Variants in IMMP2L observed in about 807,000 individuals in gnomAD.
IMMP2L encodes the protein mitochondrial inner membrane protease subunit 2.
IMMP2L carries 18 observed loss-of-function variants against 19.3 expected under a neutral mutation model. That is an observed-to-expected ratio of 0.93 (90% CI 0.64 to 1.38). IMMP2L has a LOEUF of 1.38. Among genes scored for constraint, IMMP2L ranks in the 40% most tolerant of loss-of-function variants. The pLI is 0.00. For synonymous variants in IMMP2L, 76 were observed against 73.0 expected (o/e 1.04, Z -0.21); for missense variants, 233 against 218.2 (o/e 1.07, Z -0.43).
At chr7:110,912,587 GTT>G (rs76245503) in intron 4 of IMMP2L, among the ~76,000 whole-genome samples, 1 of 145,476 alleles carries the variant, frequency 6.9e-6, no homozygotes, top group Admixed American at 6.9e-5. Context: ...CACATTTAAA[GTT>G]TTTTTTTTTT....
intron 3 of IMMP2L, among the ~76,000 whole-genome samples, chr7:111,083,130 T>C (rs1055603711): frequency 6.6e-6 from 1 of 152,212 alleles, no homozygotes; most frequent in Non-Finnish European, 1.5e-5. Flanking sequence ...GTTTTATGTA[T>C]GTGTATCGAT....
intron 3 of IMMP2L, among the ~76,000 whole-genome samples, chr7:111,242,233 T>TTCAGTCATAA (rs1223738031): frequency 6.6e-6 from 1 of 152,034 alleles, no homozygotes; most frequent in Non-Finnish European, 1.5e-5. Flanking sequence ...GATCAGTCAG[T>TTCAGTCATAA]TCAGTCATAA....
chr7:111,547,515 C>T (rs531284772), intron 1 of IMMP2L, among the ~76,000 whole-genome samples: 17 of 147,976 alleles, frequency 1.1e-4, no homozygotes, highest in Admixed American at 5.3e-4. Flanking sequence ...ACCCCCCCCC[C>T]CTTTTTATCC....
At chr7:110,744,730 A>T (rs982398864) in intron 5 of IMMP2L, among the ~76,000 whole-genome samples, 6 of 152,252 alleles carry the variant, frequency 3.9e-5, no homozygotes, top group Non-Finnish European at 7.3e-5. Flanking sequence ...GTCCACTCAG[A>T]GACCCCATCT....
chr7:111,371,396 C>A (rs973457382), intron 3 of IMMP2L, among the ~76,000 whole-genome samples: 4 of 152,032 alleles, frequency 2.6e-5, no homozygotes, highest in Non-Finnish European at 5.9e-5. Flanking sequence ...TGGTGACTTT[C>A]CAGTATGGAC....
chr7:111,104,165 A>T (rs1368231840), intron 3 of IMMP2L, among the ~76,000 whole-genome samples: 2 of 151,684 alleles, frequency 1.3e-5, no homozygotes, highest in African/African-American at 4.8e-5. Flanking sequence ...TCCTTCATTC[A>T]TGCATGCACA....
At chr7:111,278,418 C>A (rs1003712791) in intron 3 of IMMP2L, among the ~76,000 whole-genome samples, 1 of 152,134 alleles carries the variant, frequency 6.6e-6, no homozygotes, top group Non-Finnish European at 1.5e-5. Context: ...CCACTCCCAA[C>A]AATTGTTTTT....
At chr7:111,550,871 G>C (rs961021310) in intron 1 of IMMP2L, among the ~76,000 whole-genome samples, 2 of 152,112 alleles carry the variant, frequency 1.3e-5, no homozygotes, top group Admixed American at 1.3e-4. Flanking sequence ...GTACAAATGA[G>C]ATGGAGAAGA....
intron 3 of IMMP2L, among the ~76,000 whole-genome samples, chr7:111,006,531 A>G (rs944660937): frequency 6.6e-6 from 1 of 152,158 alleles, no homozygotes; most frequent in Non-Finnish European, 1.5e-5. Flanking sequence ...TTAAGCTCAA[A>G]TCTTTTGATA....
At chr7:111,274,014 TG>T (rs1459620146) in intron 3 of IMMP2L, among the ~76,000 whole-genome samples, 12 of 152,290 alleles carry the variant, frequency 7.9e-5, no homozygotes, top group Non-Finnish European at 7.3e-5. Context: ...AAGTCTTTCA[TG>T]GGAAGAAAAT....
rs141260557 is a variant in IMMP2L, at chr7:111,217,740, T to C, written c.240-254175A>G. Among the ~76,000 whole-genome samples the C allele has an allele frequency of 3.8e-3, 575 of 152,154 alleles. 3 individuals are homozygous for C. Among genetic ancestry groups the C allele is most frequent in the African/African-American group, 0.013 (525 of 41,534 alleles). On this transcript the variant is annotated intron_variant, in intron 3 of 5. Transcript: ENST00000405709. ...TTCAGGTAATCCTTTACCTCAAAAT[T>C]ATGATACTAAACAATAATCAATATG...
At chr7:111,009,480 T>C (rs1386830289) in intron 3 of IMMP2L, among the ~76,000 whole-genome samples, 1 of 151,982 alleles carries the variant, frequency 6.6e-6, no homozygotes, top group African/African-American at 2.4e-5. Context: ...TAGCCCCTCA[T>C]ACATAACAGG....
chr7:111,185,245 A>G (rs928077996), intron 3 of IMMP2L, among the ~76,000 whole-genome samples: 7 of 152,174 alleles, frequency 4.6e-5, no homozygotes, highest in Non-Finnish European at 8.8e-5. Flanking sequence ...ATAAACAATC[A>G]AATCTACTCT....
chr7:111,296,870 A>T (rs888946495), intron 3 of IMMP2L, among the ~76,000 whole-genome samples: 1 of 152,072 alleles, frequency 6.6e-6, no homozygotes, highest in Non-Finnish European at 1.5e-5. Context: ...AGAACTCTCA[A>T]TACATGTAAC....
rs1804706243 is a variant in IMMP2L at position 111,156,951 on chromosome 7, G to A, written c.240-193386C>T. On this transcript the variant is annotated intron_variant, in intron 3 of 5. Transcript: ENST00000405709. Reference sequence around the variant, plus strand: ...GATGAGAAGACGTGATTTTCAAGAAGTCTGTCAAGTTCACTTAAAAGGTGT... The same window carrying A: ...GATGAGAAGACGTGATTTTCAAGAAATCTGTCAAGTTCACTTAAAAGGTGT... 1.3e-5 allele frequency among the ~76,000 whole-genome samples: 2 copies of A among 151,884 alleles called. 1 individual carries two copies. The highest frequency in any genetic ancestry group is 1.3e-4 in the Admixed American group (2 of 15,224).
chr7:111,371,909 T>A (rs1015116155), intron 3 of IMMP2L, among the ~76,000 whole-genome samples: 1 of 152,206 alleles, frequency 6.6e-6, no homozygotes, highest in African/African-American at 2.4e-5. Context: ...AAACACGCAC[T>A]TCAAAGTAGT....
rs533459067 is a variant in IMMP2L at position 111,089,408 on chromosome 7, TTC to T, written c.240-125845_240-125844del. Among the ~76,000 whole-genome samples the T allele has an allele frequency of 1.7e-3, 257 of 152,196 alleles. 3 individuals carry two copies. The highest frequency in any genetic ancestry group is 5.9e-3 in the African/African-American group (245 of 41,548). The stretch of plus-strand genomic sequence containing the variant: ...TAAGATACCATGGCATAAATAAAAA[TTC>T]TCTTTTTACAAATAATTATCACAAT... On this transcript the variant is annotated intron_variant, in intron 3 of 5. Transcript: ENST00000405709.
At chr7:111,045,233 T>C (rs1490139437) in intron 3 of IMMP2L, among the ~76,000 whole-genome samples, 1 of 152,202 alleles carries the variant, frequency 6.6e-6, no homozygotes, top group African/African-American at 2.4e-5. Flanking sequence ...TCCTTGATTT[T>C]TTCCATTTCC....
intron 5 of IMMP2L, among the ~76,000 whole-genome samples, chr7:110,816,545 T>C (rs960072859): frequency 1.3e-5 from 2 of 151,880 alleles, no homozygotes; most frequent in African/African-American, 4.8e-5. Context: ...CTCGTTGATC[T>C]GTCTAATGTT....
Sources: allele counts gnomAD v4.1 joint callset (sites outside exome capture counted in the v4.1 genomes callset), GRCh38; gene constraint gnomAD v4.1.1; transcripts MANE v1.5; gene names NCBI Gene and HGNC (gene_info 2026-07-23, HGNC 2026-07-21).